SLC30A7: variants seen among roughly 807,000 people sequenced by gnomAD.
SLC30A7 encodes zinc transporter 7.
A neutral mutation model predicts 46.0 loss-of-function variants in SLC30A7; 35 were observed. That is an observed-to-expected ratio of 0.76 (90% CI 0.58 to 1.01). The LOEUF (loss-of-function observed/expected upper bound fraction) is 1.01, where lower values mean the gene tolerates loss of function less well. SLC30A7 is among the 50% of genes least tolerant of loss of function. The probability of loss-of-function intolerance (pLI) is 0.00; values close to 1 mark genes in which losing one functional copy is unlikely to be tolerated. For missense variants in SLC30A7, 464 were observed against 451.1 expected (o/e 1.03, Z -0.26); for synonymous variants, 147 against 157.8 (o/e 0.93, Z 0.51).
At chr1:100,984,818 G>A (rs535114810), downstream of SLC30A7, among the ~76,000 whole-genome samples, 24 of 152,310 alleles carry the variant, frequency 1.6e-4, no homozygotes, top group African/African-American at 5.5e-4. Context: ...TGGTAAAGCT[G>A]AGATATCAAT....
the SLC30A7 span, chr1:100,995,021 A>G: frequency 2.2e-6 from 2 of 913,188 alleles, no homozygotes; most frequent in Non-Finnish European, 3.5e-6. Context: ...ATTTTCAACC[A>G]TCTTTAGAAC....
rs1390134045 is a variant in SLC30A7 at position 100,921,615 on chromosome 1, A to G, written c.707-91A>G. Reference sequence around the variant, plus strand: ...TTTTGAAGTTGATATCTAGTTTTTTATATATAAAATTAAGAGTATAGCTCT... The same window carrying G: ...TTTTGAAGTTGATATCTAGTTTTTTGTATATAAAATTAAGAGTATAGCTCT... On this transcript the variant is annotated intron_variant, in intron 7 of 10. Coordinates refer to ENST00000357650, the MANE Select transcript of SLC30A7 (RefSeq NM_133496.5). 5.2e-6 allele frequency: 5 copies of G among 957,884 alleles called. No individual in the cohort carries two copies. In the East Asian group the frequency reaches 8.2e-5, roughly 16 times the overall value. The allele number at this position is 957,884 out of a possible 1,614,324, so 59.3% of individuals were successfully genotyped here.
At chr1:100,964,562 A>G (rs920295042) in intron 9 of SLC30A7, among the ~76,000 whole-genome samples, 2 of 152,066 alleles carry the variant, frequency 1.3e-5, no homozygotes, top group African/African-American at 4.8e-5. Flanking sequence ...TCTAAAGGTC[A>G]TCTTCTTTCT....
intron 8 of SLC30A7, among the ~76,000 whole-genome samples, chr1:100,951,707 TCCTCTGGCC>T (rs1201555150): frequency 2.0e-5 from 3 of 152,116 alleles, no homozygotes; most frequent in African/African-American, 7.2e-5. Context: ...ACTCAGACCC[TCCTCTGGCC>T]AGTGAGGTCC....
downstream of SLC30A7, among the ~76,000 whole-genome samples, chr1:100,983,387 AAAACAAAAC>A (rs762956704): frequency 6.9e-5 from 10 of 145,844 alleles, no homozygotes; most frequent in East Asian, 2.0e-4. Context: ...AAAAAAAAAA[AAAACAAAAC>A]AAAACAAAAC....
intron 8 of SLC30A7, among the ~76,000 whole-genome samples, chr1:100,924,130 GT>G (rs1653130500): frequency 6.6e-6 from 1 of 152,066 alleles, no homozygotes; most frequent in Non-Finnish European, 1.5e-5. Context: ...ATTATCTTTT[GT>G]TAATAAGGAT....
At chr1:100,961,723 G>A (rs570228973) in intron 8 of SLC30A7, 105 bp from the exon 9 acceptor site, 18 of 522,402 alleles carry the variant, frequency 3.4e-5, no homozygotes, top group African/African-American at 2.0e-4. Context: ...TATTATTCCC[G>A]TAAGTCCTAT....
intron 2 of SLC30A7, among the ~76,000 whole-genome samples, chr1:100,900,232 G>T (rs1303728566): frequency 1.3e-5 from 2 of 152,112 alleles, no homozygotes; most frequent in African/African-American, 2.4e-5. Context: ...TTTAATTTCA[G>T]TAGTATTTCT....
rs1412286196 is a variant in SLC30A7, at chr1:100,896,110, G to T, written c.-153G>T. On this transcript the variant is annotated 5_prime_UTR_variant, in exon 1 of 11. Coordinates refer to ENST00000357650, the MANE Select transcript of SLC30A7 (RefSeq NM_133496.5). ...GGGCCGGAAGTAAGCGAATTCCCGG[G>T]TGTGTGTCTGTGTCTGTCTGTGTCT... 9.0e-6 allele frequency: 6 copies of T among 669,294 alleles called. No homozygotes were observed. The highest frequency in any genetic ancestry group is 1.7e-5 in the South Asian group (1 of 58,050). 41.5% of individuals were successfully genotyped at this position (669,294 alleles called of 1,614,324 possible).
intron 8 of SLC30A7, among the ~76,000 whole-genome samples, chr1:100,942,580 C>G (rs1654413108): frequency 6.6e-6 from 1 of 152,148 alleles, no homozygotes; most frequent in Non-Finnish European, 1.5e-5. Context: ...TAGCTTTATT[C>G]AAGTGAAAAG....
At chr1:100,966,410 C>T (rs371203130) in intron 10 of SLC30A7, among the ~76,000 whole-genome samples, 4 of 151,586 alleles carry the variant, frequency 2.6e-5, no homozygotes, top group South Asian at 4.2e-4. Context: ...AGTGAGACCC[C>T]GTCTCTCTAC....
chr1:100,965,776 A>C lies in SLC30A7; in HGVS notation c.941A>C (p.Gln314Pro). 1 of 1,613,452 alleles carries C rather than the reference A, an allele frequency of 6.2e-7. No homozygotes were observed. The highest frequency in any genetic ancestry group is 8.5e-7 in the Non-Finnish European group (1 of 1,179,414). ...CTCTCCTTTATATTTCAGGTACAGC[A>C]GTTGCAAGGAGTTTACAGTTTACAG... ...SLPQCYQRVQ[Q>P]LQGVYSLQEQ... Residue 314 changes from glutamine to proline, a missense_variant, in exon 10 of 11, where the codon CAG becomes CCG. By Grantham distance (76) the Gln-to-Pro change is moderately conservative. Transcript: ENST00000357650.
At chr1:100,974,405 T>C (rs886209167) in intron 10 of SLC30A7, among the ~76,000 whole-genome samples, 1 of 152,156 alleles carries the variant, frequency 6.6e-6, no homozygotes, top group African/African-American at 2.4e-5. Flanking sequence ...GAGTGCAAAA[T>C]AATTCCAATA....
At chr1:100,971,418 A>G (rs1570598555) in intron 10 of SLC30A7, among the ~76,000 whole-genome samples, 1 of 151,182 alleles carries the variant, frequency 6.6e-6, no homozygotes, top group East Asian at 1.9e-4. Flanking sequence ...TTTCTTCATC[A>G]TTTGTATTTG....
intron 8 of SLC30A7, among the ~76,000 whole-genome samples, chr1:100,931,473 C>G (rs2101045537): frequency 6.6e-6 from 1 of 152,232 alleles, no homozygotes; most frequent in Admixed American, 6.5e-5. Context: ...GAAGAGGGAG[C>G]AGGGTTTTTG....
At chr1:100,990,729 C>T in the SLC30A7 span, 2 of 1,131,900 alleles carry the variant, frequency 1.8e-6, no homozygotes, top group Non-Finnish European at 2.5e-6. Flanking sequence ...TTCAAGAAGC[C>T]CCAAATATCT....
intron 10 of SLC30A7, among the ~76,000 whole-genome samples, chr1:100,970,770 T>A (rs1228394755): frequency 6.6e-6 from 1 of 151,906 alleles, no homozygotes; most frequent in East Asian, 1.9e-4. Context: ...TTAATTTTTT[T>A]AAATAGCACA....
rs1315436437 is a variant in SLC30A7 at position 100,976,609 on chromosome 1, A to G, written c.*1752A>G. 1.3e-5 allele frequency: 2 copies of G among 152,316 alleles called. No individual in the cohort carries two copies. Among genetic ancestry groups the G allele is most frequent in the Admixed American group, 6.5e-5 (1 of 15,284 alleles). 9.4% of individuals were successfully genotyped at this position (152,316 alleles called of 1,614,324 possible). A position where few individuals can be genotyped will look rare whatever the true frequency, so the allele number is the denominator to read the frequency against. On this transcript the variant is annotated 3_prime_UTR_variant, in exon 11 of 11. Transcript: ENST00000357650. ...TTCCCTTTTAACTTAAAAAAATTGT[A>G]AATGTGGGAGAAAAAACCCTGCAGG...
chr1:100,993,865 C>T, the SLC30A7 span, among the ~76,000 whole-genome samples: 18 of 151,538 alleles, frequency 1.2e-4, no homozygotes, highest in Non-Finnish European at 5.9e-5. Context: ...CTCAGCCTCC[C>T]GAGTAGCTGG....
Sources: gnomAD v4.1 joint callset for allele counts (sites outside exome capture counted in the v4.1 genomes callset) on GRCh38, gnomAD v4.1.1 for gene constraint, MANE v1.5 for transcripts, NCBI Gene and HGNC (gene_info 2026-07-23, HGNC 2026-07-21) for gene names.